ANKRD44: variants seen among roughly 807,000 people sequenced by gnomAD.
The protein encoded by ANKRD44 is serine/threonine-protein phosphatase 6 regulatory ankyrin repeat subunit B.
In ANKRD44, 35 loss-of-function variants were observed where a neutral mutation model predicts 116.0. That is an observed-to-expected ratio of 0.30 (90% CI 0.23 to 0.40). ANKRD44 has a LOEUF of 0.40. Among genes scored for constraint, ANKRD44 ranks in the 10% least tolerant of loss-of-function variants. ANKRD44 has a pLI of 1.00. For missense variants in ANKRD44, 1,014 were observed against 1,242.6 expected (o/e 0.82, Z 2.77); for synonymous variants, 435 against 461.8 (o/e 0.94, Z 0.74).
intron 27 of ANKRD44, among the ~76,000 whole-genome samples, chr2:196,991,692 C>T (rs932984918): frequency 1.3e-5 from 2 of 152,038 alleles, no homozygotes; most frequent in African/African-American, 2.4e-5. Context: ...GCAATCCTCC[C>T]ACCTCAGCCT....
At chr2:197,217,361 A>G (rs145531842) in intron 1 of ANKRD44, among the ~76,000 whole-genome samples, 123 of 152,350 alleles carry the variant, frequency 8.1e-4, no homozygotes, top group Non-Finnish European at 1.4e-3. Context: ...ATTTTCACTA[A>G]GGTTGGATAG....
intron 1 of ANKRD44, among the ~76,000 whole-genome samples, chr2:197,241,809 A>G (rs1279716527): frequency 1.3e-5 from 2 of 152,168 alleles, no homozygotes; most frequent in African/African-American, 4.8e-5. Context: ...GATTCACTAC[A>G]TAGTGCTGGT....
intron 21 of ANKRD44, among the ~76,000 whole-genome samples, chr2:196,980,501 G>T (rs1243627747): frequency 6.6e-6 from 1 of 152,178 alleles, no homozygotes; most frequent in South Asian, 2.1e-4. Context: ...AAAAGTTAAT[G>T]TTTTAAAGCA....
At chr2:197,169,803 CTA>C (rs2080182939) in intron 2 of ANKRD44, among the ~76,000 whole-genome samples, 1 of 152,128 alleles carries the variant, frequency 6.6e-6, no homozygotes, top group African/African-American at 2.4e-5. Flanking sequence ...CTGCCACAGA[CTA>C]TTCCAGAGAC....
intron 11 of ANKRD44, 132 bp from the exon 12 acceptor site, chr2:197,088,906 A>T: frequency 1.1e-6 from 1 of 921,958 alleles, no homozygotes. Context: ...AATTGTAGTC[A>T]GAAAGAGGTT....
At position 197,008,928 on chromosome 2, in the gene ANKRD44, G is replaced by A. The variant is rs768863764; in HGVS notation, c.2012+16C>T. 5.6e-6 allele frequency: 9 copies of A among 1,612,872 alleles called. No homozygotes were observed. The Admixed American group carries it at 6.7e-5, about 12-fold the overall frequency. On this transcript the variant is annotated intron_variant, in intron 19 of 27. Transcript: ENST00000282272. ...GATTGAAATGTCAACCCAAGGCCACGTGTGAGCGCACTTACTGTCCTTTGG... is the reference window on the plus strand; with the variant it reads ...GATTGAAATGTCAACCCAAGGCCACATGTGAGCGCACTTACTGTCCTTTGG...
intron 19 of ANKRD44, among the ~76,000 whole-genome samples, chr2:197,008,500 G>T (rs1393228000): frequency 2.0e-5 from 3 of 152,190 alleles, no homozygotes; most frequent in African/African-American, 7.2e-5. Context: ...ATTAGGTGGG[G>T]AATATGCCAA....
chr2:197,046,976 T>A (rs2077013389), intron 16 of ANKRD44, among the ~76,000 whole-genome samples: 1 of 152,152 alleles, frequency 6.6e-6, no homozygotes, highest in Admixed American at 6.5e-5. Context: ...ACTATTAAAT[T>A]TTTCTTTAAA....
intron 2 of ANKRD44, among the ~76,000 whole-genome samples, chr2:197,161,300 C>T (rs1468300234): frequency 2.0e-5 from 3 of 152,144 alleles, no homozygotes; most frequent in Non-Finnish European, 4.4e-5. Flanking sequence ...CATACTTGAG[C>T]ACACCCAGCA....
intron 6 of ANKRD44, among the ~76,000 whole-genome samples, chr2:197,123,633 A>T (rs528097527): frequency 1.3e-5 from 2 of 152,316 alleles, no homozygotes; most frequent in African/African-American, 2.4e-5. Flanking sequence ...CTTGTCTCAA[A>T]AAATAAATAA....
chr2:197,204,542 C>T (rs16863156), intron 1 of ANKRD44, among the ~76,000 whole-genome samples: 17,804 of 152,138 alleles, frequency 0.12, 3,426 homozygotes, highest in African/African-American at 0.4. Flanking sequence ...GTGAAGGCTG[C>T]AACAATCTGG....
chr2:197,266,271 G>A (rs888411102), intron 1 of ANKRD44, among the ~76,000 whole-genome samples: 1 of 151,978 alleles, frequency 6.6e-6, no homozygotes, highest in South Asian at 2.1e-4. Flanking sequence ...TAAAAGCTCA[G>A]TAGCTACTTC....
chr2:197,091,338 A>G (rs923207235), intron 10 of ANKRD44, among the ~76,000 whole-genome samples: 5 of 152,194 alleles, frequency 3.3e-5, no homozygotes, highest in African/African-American at 1.2e-4. Context: ...CAAGGAGTTG[A>G]GAGTGGCAGG....
intron 1 of ANKRD44, among the ~76,000 whole-genome samples, chr2:197,297,780 C>T (rs1226584027): frequency 6.6e-6 from 1 of 152,156 alleles, no homozygotes; most frequent in African/African-American, 2.4e-5. Context: ...TAGAAGACTC[C>T]TTGCTACAAA....
At chr2:197,210,845 C>T (rs1001049178) in intron 1 of ANKRD44, among the ~76,000 whole-genome samples, 11 of 152,188 alleles carry the variant, frequency 7.2e-5, no homozygotes, top group Admixed American at 2.6e-4. Context: ...AAATGTCCTC[C>T]TGCCACCTTT....
At chr2:197,171,347 G>T (rs1368107928) in intron 2 of ANKRD44, among the ~76,000 whole-genome samples, 2 of 152,198 alleles carry the variant, frequency 1.3e-5, no homozygotes, top group African/African-American at 4.8e-5. Flanking sequence ...AAACACAGCA[G>T]CTCTCAAGTA....
chr2:197,221,642 C>T (rs548489620), intron 1 of ANKRD44, among the ~76,000 whole-genome samples: 2 of 152,204 alleles, frequency 1.3e-5, no homozygotes, highest in South Asian at 4.1e-4. Context: ...GGGAAAATTC[C>T]CTAAGAATAT....
At chr2:197,064,199 C>T (rs1336493843) in intron 16 of ANKRD44, among the ~76,000 whole-genome samples, 1 of 152,164 alleles carries the variant, frequency 6.6e-6, no homozygotes, top group East Asian at 1.9e-4. Context: ...TCCAGCCAAA[C>T]TAAGCTTCAT....
At chr2:197,171,571 T>C (rs1257542974) in intron 2 of ANKRD44, among the ~76,000 whole-genome samples, 3 of 152,198 alleles carry the variant, frequency 2.0e-5, no homozygotes, top group African/African-American at 7.2e-5. Context: ...AAGGGATTTT[T>C]AGATCAGTGA....
Sources: gnomAD v4.1 joint callset for allele counts (sites outside exome capture counted in the v4.1 genomes callset) on GRCh38, gnomAD v4.1.1 for gene constraint, MANE v1.5 for transcripts, NCBI Gene and HGNC (gene_info 2026-07-23, HGNC 2026-07-21) for gene names.